TAOK1: variants seen among roughly 807,000 people sequenced by gnomAD.
TAOK1 encodes the protein serine/threonine-protein kinase TAO1.
TAOK1 carries 21 observed loss-of-function variants against 138.3 expected under a neutral mutation model. The observed-to-expected ratio is 0.15, with a 90% CI of 0.11 to 0.22. TAOK1 has a LOEUF of 0.22. Ranked by LOEUF, TAOK1 falls within the 10% of genes least tolerant of loss-of-function variation. TAOK1 has a pLI of 1.00. For synonymous variants in TAOK1, 361 were observed against 398.4 expected (o/e 0.91, Z 1.12); for missense variants, 651 against 1,227.7 (o/e 0.53, Z 7.02).
chr17:29,402,663 G>A (rs1326542917), intron 1 of TAOK1, among the ~76,000 whole-genome samples: 1 of 151,940 alleles, frequency 6.6e-6, no homozygotes, highest in African/African-American at 2.4e-5. Flanking sequence ...TTTATTTGGG[G>A]ACATATATAG....
intron 16 of TAOK1, among the ~76,000 whole-genome samples, chr17:29,518,147 T>TTACAAGCATGAA (rs2153030447): frequency 6.6e-6 from 1 of 152,338 alleles, no homozygotes; most frequent in African/African-American, 2.4e-5. Flanking sequence ...TGAGCTACCA[T>TTACAAGCATGAA]GCCTGGACTG....
At chr17:29,402,581 A>C (rs1904879642) in intron 1 of TAOK1, among the ~76,000 whole-genome samples, 1 of 152,190 alleles carries the variant, frequency 6.6e-6, no homozygotes, top group East Asian at 1.9e-4. Context: ...CTGGGATTAC[A>C]GGTGTGAGCC....
chr17:29,399,210 C>G (rs965663306), intron 1 of TAOK1, among the ~76,000 whole-genome samples: 11 of 151,856 alleles, frequency 7.2e-5, no homozygotes, highest in Admixed American at 4.6e-4. Context: ...GTATCGAACT[C>G]CTGAGCTCAA....
chr17:29,451,398 C>G lies in TAOK1; in HGVS notation c.-94-57C>G, dbSNP rs557723486. 3.6e-6 allele frequency: 3 copies of G among 829,864 alleles called. No individual in the cohort carries two copies. In the East Asian group the frequency reaches 8.4e-5, roughly 23 times the overall value. The allele number at this position is 829,864 out of a possible 1,614,324, so 51.4% of individuals were successfully genotyped here. Reference sequence around the variant, plus strand: ...TTGTAGATCAGTATATGACCTTATACTAATTATTCTTAGCAGTTTTTGCCT... The same window carrying G: ...TTGTAGATCAGTATATGACCTTATAGTAATTATTCTTAGCAGTTTTTGCCT... On this transcript the variant is annotated intron_variant, in intron 1 of 19. Transcript: ENST00000261716.
At chr17:29,447,955 C>CTTTTTT (rs56163080) in intron 1 of TAOK1, among the ~76,000 whole-genome samples, 28 of 93,228 alleles carry the variant, frequency 3.0e-4, no homozygotes, top group East Asian at 1.9e-3. Context: ...TGCACCTGGT[C>CTTTTTT]TTTTTTTTTT....
chr17:29,397,833 A>ATG (rs1160375479), intron 1 of TAOK1, among the ~76,000 whole-genome samples: 2 of 150,588 alleles, frequency 1.3e-5, no homozygotes, highest in Non-Finnish European at 2.9e-5. Flanking sequence ...ATGTATATAT[A>ATG]TGTGTATATA....
rs1198946717 is a variant in TAOK1, at chr17:29,547,171, A to G, written c.*4149A>G. The G allele has an allele frequency of 6.6e-6, 1 of 152,128 alleles. No homozygotes were observed. Among genetic ancestry groups the G allele is most frequent in the Admixed American group, 6.6e-5 (1 of 15,244 alleles). The allele number at this position is 152,128 out of a possible 1,614,324, so 9.4% of individuals were successfully genotyped here. ...ATCACACAATCTTTATGTGCTTTCT[A>G]TATGTATTTCTTAGTAGTGATACCA... On this transcript the variant is annotated 3_prime_UTR_variant, in exon 20 of 20. Transcript: ENST00000261716.
At chr17:29,520,506 T>C (rs1484895126) in intron 16 of TAOK1, among the ~76,000 whole-genome samples, 2 of 149,836 alleles carry the variant, frequency 1.3e-5, no homozygotes, top group Non-Finnish European at 3.0e-5. Context: ...CTTTGCCTCC[T>C]GGGTTCAAGC....
chr17:29,533,413 G>A (rs2150774197), intron 18 of TAOK1, among the ~76,000 whole-genome samples: 1 of 152,146 alleles, frequency 6.6e-6, no homozygotes, highest in South Asian at 2.1e-4. Context: ...GCCGGGCAGA[G>A]ACGCTCCTCA....
At chr17:29,395,398 G>C (rs2153019505) in intron 1 of TAOK1, among the ~76,000 whole-genome samples, 1 of 152,268 alleles carries the variant, frequency 6.6e-6, no homozygotes, top group South Asian at 2.1e-4. Context: ...AGGCATGGTG[G>C]TGGGTGCCTG....
chr17:29,418,174 A>C (rs530960106), intron 1 of TAOK1, among the ~76,000 whole-genome samples: 1 of 152,180 alleles, frequency 6.6e-6, no homozygotes, highest in East Asian at 1.9e-4. Flanking sequence ...GGCATGAGCC[A>C]CTGTGCCCAG....
intron 12 of TAOK1, among the ~76,000 whole-genome samples, chr17:29,501,987 TTGAG>T (rs1343014349): frequency 1.3e-5 from 2 of 152,150 alleles, no homozygotes; most frequent in East Asian, 3.9e-4. Context: ...CGGTGAGCCA[TTGAG>T]TGTTTACCAC....
chr17:29,430,688 G>T (rs1905799027), intron 1 of TAOK1, among the ~76,000 whole-genome samples: 1 of 152,096 alleles, frequency 6.6e-6, no homozygotes, highest in Non-Finnish European at 1.5e-5. Context: ...TAGGTTCCCT[G>T]CCTCCAGACC....
chr17:29,414,162 C>T (rs890269835), intron 1 of TAOK1, among the ~76,000 whole-genome samples: 6 of 152,026 alleles, frequency 3.9e-5, no homozygotes, highest in Non-Finnish European at 7.4e-5. Context: ...GGATTACAGG[C>T]GTGAGCCACC....
chr17:29,521,313 A>G (rs1010859030), intron 16 of TAOK1, among the ~76,000 whole-genome samples: 1 of 152,198 alleles, frequency 6.6e-6, no homozygotes, highest in South Asian at 2.1e-4. Flanking sequence ...ACAAAATTTT[A>G]GAATCTCTTT....
intron 2 of TAOK1, among the ~76,000 whole-genome samples, chr17:29,452,520 T>C (rs982688195): frequency 1.3e-5 from 2 of 152,168 alleles, no homozygotes; most frequent in East Asian, 1.9e-4. Flanking sequence ...AAAAAACTTA[T>C]CAAATTTGCT....
intron 8 of TAOK1, among the ~76,000 whole-genome samples, chr17:29,484,123 G>C (rs1031483020): frequency 5.9e-5 from 9 of 152,164 alleles, no homozygotes; most frequent in African/African-American, 2.4e-5. Flanking sequence ...TCCGTGAAAT[G>C]GCTTCTCCTT....
chr17:29,425,944 G>A (rs578009459), intron 1 of TAOK1, among the ~76,000 whole-genome samples: 13 of 152,208 alleles, frequency 8.5e-5, no homozygotes, highest in South Asian at 2.1e-4. Flanking sequence ...GCAGTGGCGC[G>A]ATCTCGGCTC....
intron 19 of TAOK1, among the ~76,000 whole-genome samples, chr17:29,541,935 C>T (rs1243517471): frequency 6.6e-6 from 1 of 151,604 alleles, no homozygotes; most frequent in Non-Finnish European, 1.5e-5. Flanking sequence ...AGTGCAGTGG[C>T]ACGATCTCGG....
Sources: gnomAD v4.1 joint callset for allele counts (sites outside exome capture counted in the v4.1 genomes callset) on GRCh38, gnomAD v4.1.1 for gene constraint, MANE v1.5 for transcripts, NCBI Gene and HGNC (gene_info 2026-07-23, HGNC 2026-07-21) for gene names.